The following PFKP variants were observed in gnomAD, a reference collection of about 807,000 sequenced individuals.
PFKP encodes phosphofructokinase, platelet.
In PFKP, 101 loss-of-function variants were observed where a neutral mutation model predicts 94.3. That is an observed-to-expected ratio of 1.07 (90% confidence interval 0.91 to 1.26). PFKP has a LOEUF of 1.26. Among genes scored for constraint, PFKP ranks in the 50% most tolerant of loss-of-function variants. The probability of loss-of-function intolerance (pLI) is 0.00; values close to 1 mark genes in which losing one functional copy is unlikely to be tolerated. For synonymous variants in PFKP, 573 were observed against 432.6 expected (o/e 1.32, Z -4.03); for missense variants, 1,145 against 1,103.3 (o/e 1.04, Z -0.53).
At chr10:3,105,611 C>T (rs1835464796) in intron 7 of PFKP, 110 bp downstream of exon 7, 1 of 733,232 alleles carries the variant, frequency 1.4e-6, no homozygotes, top group Non-Finnish European at 2.4e-6. Context: ...TCTCTGTCTC[C>T]AGTTTGTCAC....
intron 2 of PFKP, among the ~76,000 whole-genome samples, chr10:3,086,931 A>G (rs1445009040): frequency 6.6e-6 from 1 of 152,090 alleles, no homozygotes; most frequent in Non-Finnish European, 1.5e-5. Flanking sequence ...TTGGTATGGA[A>G]CACACTGGGA....
At chr10:3,105,265 T>C in intron 6 of PFKP, 106 bp downstream of exon 6, 1 of 1,344,060 alleles carries the variant, frequency 7.4e-7, no homozygotes, top group Non-Finnish European at 1.1e-6. Context: ...TGGAAAGTCC[T>C]GAAGGGGCCG....
chr10:3,113,669 G>A, intron 13 of PFKP, 151 bp downstream of exon 13: 1 of 63,070 alleles, frequency 1.6e-5, no homozygotes. Flanking sequence ...TGCTTCTGGA[G>A]TAAAATCTCA....
intron 16 of PFKP, among the ~76,000 whole-genome samples, chr10:3,122,039 C>T (rs9423687): frequency 0.25 from 38,617 of 151,708 alleles, 4,959 homozygotes; most frequent in South Asian, 0.29. Context: ...CCAGGCTGGT[C>T]TCAAAACGTC....
At chr10:3,118,454 G>A (rs535214907) in intron 14 of PFKP, among the ~76,000 whole-genome samples, 1 of 149,364 alleles carries the variant, frequency 6.7e-6, no homozygotes, top group African/African-American at 2.5e-5. Context: ...GTAACAAAGT[G>A]AGACTCCATC....
chr10:3,112,197 CT>C, intron 10 of PFKP, 24 bp from the exon 11 acceptor site: 1 of 1,599,498 alleles, frequency 6.3e-7, no homozygotes, highest in Non-Finnish European at 8.6e-7. Context: ...CACATTCTTT[CT>C]TCTTTTCATC....
At chr10:3,118,240 A>G (rs1352383048) in intron 14 of PFKP, among the ~76,000 whole-genome samples, 2 of 152,196 alleles carry the variant, frequency 1.3e-5, no homozygotes, top group Middle Eastern at 3.2e-3. Context: ...AGGCTGAGGC[A>G]GGTGGATCAG....
At chr10:3,111,648 G>A (rs1588499580) in intron 10 of PFKP, among the ~76,000 whole-genome samples, 1 of 152,068 alleles carries the variant, frequency 6.6e-6, no homozygotes, top group African/African-American at 2.4e-5. Context: ...TCATCTTACA[G>A]ATGAGGAAAT....
intron 2 of PFKP, among the ~76,000 whole-genome samples, chr10:3,098,711 TTC>T (rs879799665): frequency 2.6e-3 from 398 of 150,320 alleles, no homozygotes; most frequent in South Asian, 0.011. Context: ...CTTGGGCTTC[TTC>T]TATCAATGTG....
chr10:3,121,766 GTTTCTC>G (rs1837428787), intron 16 of PFKP, among the ~76,000 whole-genome samples: 1 of 128,838 alleles, frequency 7.8e-6, no homozygotes, highest in Non-Finnish European at 1.7e-5. Context: ...ATTCATTCGA[GTTTCTC>G]GAAGCTAGGT....
Position 3,136,325 on chromosome 10 carries a change from C to T in PFKP, c.2226-125C>T, listed in dbSNP as rs566768493. 1.0e-4 allele frequency: 88 copies of T among 866,316 alleles called. 2 individuals are homozygous for T. In the South Asian group the frequency reaches 1.3e-3, roughly 13 times the overall value. 53.7% of individuals were successfully genotyped at this position (866,316 alleles called of 1,614,324 possible). Reference sequence around the variant, plus strand: ...TTGATCCTGAAATTGGCTTTATCATCTAGTTGATTCAGCCGACCCTACAAA... The same window carrying T: ...TTGATCCTGAAATTGGCTTTATCATTTAGTTGATTCAGCCGACCCTACAAA... On this transcript the variant is annotated intron_variant, in intron 21 of 21. Coordinates refer to ENST00000381125, the MANE Select transcript of PFKP (RefSeq NM_002627.5).
chr10:3,101,344 A>AT (rs1834975119), intron 3 of PFKP, 21 bp from the exon 4 acceptor site: 1 of 1,560,026 alleles, frequency 6.4e-7, no homozygotes, highest in Admixed American at 1.9e-5. Flanking sequence ...GAGGAGATAA[A>AT]TTAGCTGGTG....
At chr10:3,101,223 T>C (rs915266830) in intron 3 of PFKP, 142 bp from the exon 4 acceptor site, 1 of 778,786 alleles carries the variant, frequency 1.3e-6, no homozygotes, top group Non-Finnish European at 2.0e-6. Flanking sequence ...TCACAGTCTT[T>C]CATAGCTAGT....
intron 4 of PFKP, among the ~76,000 whole-genome samples, chr10:3,102,202 G>A (rs1410127294): frequency 6.9e-5 from 9 of 130,362 alleles, no homozygotes; most frequent in African/African-American, 2.0e-4. Flanking sequence ...AGTGAGCCGA[G>A]GTCCCGCCAC....
At chr10:3,112,105 T>C (rs1208915189) in intron 10 of PFKP, 117 bp from the exon 11 acceptor site, 1 of 818,376 alleles carries the variant, frequency 1.2e-6, no homozygotes, top group Non-Finnish European at 2.1e-6. Context: ...GGCTGCTGGC[T>C]GCCCGGGTCA....
intron 18 of PFKP, among the ~76,000 whole-genome samples, 159 bp from the exon 19 acceptor site, chr10:3,133,044 G>A (rs1051357977): frequency 6.6e-6 from 1 of 152,224 alleles, no homozygotes. Context: ...GTAACAAACT[G>A]CAGAAAGCAA....
At chr10:3,119,209 T>C (rs1756264037) in intron 15 of PFKP, among the ~76,000 whole-genome samples, 1 of 152,242 alleles carries the variant, frequency 6.6e-6, no homozygotes, top group Non-Finnish European at 1.5e-5. Context: ...AAGGTAGTTA[T>C]ACCTAGAATT....
chr10:3,135,524 T>C (rs1228406225), intron 20 of PFKP, among the ~76,000 whole-genome samples: 1 of 152,238 alleles, frequency 6.6e-6, no homozygotes, highest in Non-Finnish European at 1.5e-5. Context: ...AAAGCTGCTT[T>C]CCAGGAAGCC....
chr10:3,122,282 G>A lies in PFKP; in HGVS notation c.1683+2238G>A, dbSNP rs576227397. Among the ~76,000 whole-genome samples, 318 of 152,290 alleles carry A rather than the reference G, an allele frequency of 2.1e-3. 2 individuals carry two copies. The highest frequency in any genetic ancestry group is 6.9e-3 in the African/African-American group (288 of 41,562). ...AACAAGGCTGTCTTGGGAGTGCGGT[G>A]GTTCTAGTCTCGTGATGGGTGAGTG... On this transcript the variant is annotated intron_variant, in intron 16 of 21. Transcript: ENST00000381125.
Sources: gnomAD v4.1 joint callset for allele counts (sites outside exome capture counted in the v4.1 genomes callset) on GRCh38, gnomAD v4.1.1 for gene constraint, MANE v1.5 for transcripts, NCBI Gene and HGNC (gene_info 2026-07-23, HGNC 2026-07-21) for gene names.